Variants in PIEZO1 observed in about 807,000 individuals in gnomAD.
PIEZO1 encodes piezo type mechanosensitive ion channel component 1 (Er blood group).
In PIEZO1, 296 loss-of-function variants were observed where a neutral mutation model predicts 297.2. That is an observed-to-expected ratio of 1.00 (90% CI 0.91 to 1.10). PIEZO1 has a LOEUF of 1.10. Ranked by LOEUF, PIEZO1 falls within the 50% of genes least tolerant of loss-of-function variation. PIEZO1 has a pLI of 0.00. For synonymous variants in PIEZO1, 2,427 were observed against 1,507.5 expected (o/e 1.61, Z -14.13); for missense variants, 5,018 against 3,455.5 (o/e 1.45, Z -11.34).
chr16:88,778,631 G>A (rs989191050), intron 1 of PIEZO1, among the ~76,000 whole-genome samples: 2 of 152,200 alleles, frequency 1.3e-5, no homozygotes, highest in African/African-American at 2.4e-5. Context: ...GCCGGCACCC[G>A]GGACGGTCAG....
chr16:88,737,541 G>T lies in PIEZO1; in HGVS notation c.1195+18C>A. On this transcript the variant is annotated intron_variant, in intron 10 of 50. Coordinates refer to ENST00000301015, the MANE Select transcript of PIEZO1 (RefSeq NM_001142864.4). ...CGCCCCCCGCACCCAGCCATACCTT[G>T]CAGTGTGCGGTACTCACCAGGCCGC... The T allele has an allele frequency of 2.0e-6, 3 of 1,503,756 alleles. No homozygotes were observed. Among genetic ancestry groups the T allele is most frequent in the Non-Finnish European group, 2.7e-6 (3 of 1,119,742 alleles). The allele number at this position is 1,503,756 out of a possible 1,614,324, so 93.2% of individuals were successfully genotyped here. A position where few individuals can be genotyped will look rare whatever the true frequency, so the allele number is the denominator to read the frequency against.
chr16:88,771,890 C>T (rs908707146), intron 1 of PIEZO1, among the ~76,000 whole-genome samples: 1 of 26,454 alleles, frequency 3.8e-5, no homozygotes, highest in Non-Finnish European at 6.6e-5. Flanking sequence ...CGTCCACCCG[C>T]GGCCCCAGGC....
chr16:88,734,798 C>G lies in PIEZO1; in HGVS notation c.1849G>C (p.Val617Leu). 1 of 1,550,318 alleles carries G rather than the reference C, an allele frequency of 6.5e-7. No homozygotes were observed. Reference sequence around the variant, plus strand: ...AGCTTCCGCCACAGGCTGTAGTAGACCTGCCGGGTGAGGTGGGGGTGGTGA... The same window carrying G: ...AGCTTCCGCCACAGGCTGTAGTAGAGCTGCCGGGTGAGGTGGGGGTGGTGA... Reference protein sequence around the residue: ...LFLLCLTLFQVYYSLWRKLLK... With the variant: ...LFLLCLTLFQLYYSLWRKLLK... The change falls in exon 15 of 51, where the codon GTC becomes CTC. Residue 617 changes from valine (V) to leucine (L), a missense_variant and splice_region_variant. Physicochemically the swap from Val to Leu is conservative, Grantham distance 32 (BLOSUM62 1). Transcript: ENST00000301015.
intron 22 of PIEZO1, among the ~76,000 whole-genome samples, chr16:88,730,458 C>A (rs1026547544): frequency 1.3e-5 from 2 of 152,122 alleles, no homozygotes; most frequent in African/African-American, 2.4e-5. Context: ...ATTAGCCGGG[C>A]CTGGTGGTGC....
intron 44 of PIEZO1, 65 bp from the exon 45 acceptor site, chr16:88,717,276 T>C: frequency 7.1e-7 from 1 of 1,415,436 alleles, no homozygotes; most frequent in Non-Finnish European, 9.7e-7. Context: ...ACAACCGCAT[T>C]CTCCAGCTCA....
intron 2 of PIEZO1, chr16:88,743,727 CCT>C: frequency 2.3e-6 from 1 of 439,252 alleles, no homozygotes; most frequent in Middle Eastern, 3.4e-4. Flanking sequence ...GTGAAGCAGC[CCT>C]CACGGATGCC....
In PIEZO1 at chr16:88,742,305, G is replaced by A; in HGVS notation, c.278C>T (p.Pro93Leu). The A allele has an allele frequency of 6.5e-7, 1 of 1,532,640 alleles. No homozygotes were observed. The highest frequency in any genetic ancestry group is 8.7e-7 in the Non-Finnish European group (1 of 1,145,076). The allele number at this position is 1,532,640 out of a possible 1,614,324, so 94.9% of individuals were successfully genotyped here. A position where few individuals can be genotyped will look rare whatever the true frequency, so the allele number is the denominator to read the frequency against. The part of the protein sequence containing the change: ...IVPRLDQLLG[P>L]SCSRWETLSR... The stretch of plus-strand genomic sequence containing the variant: ...CCGCCCCCTCAGCGACTCACAGCTG[G>A]GTCCCAGGAGCTGGTCCAGGCGGGG... Residue 93 changes from proline to leucine, a missense_variant, in exon 3 of 51, where the codon CCC becomes CTC. By Grantham distance (98) the Pro-to-Leu change is moderately conservative. Transcript: ENST00000301015.
rs144455926 is a variant in PIEZO1, at chr16:88,759,602, G to A, written c.65-10123C>T. Among the ~76,000 whole-genome samples, 201 of 152,356 alleles carry A rather than the reference G, an allele frequency of 1.3e-3. 1 individual carries two copies. Among genetic ancestry groups the A allele is most frequent in the African/African-American group, 4.2e-3 (173 of 41,586 alleles). On this transcript the variant is annotated intron_variant, in intron 1 of 50. Coordinates refer to ENST00000301015, the MANE Select transcript of PIEZO1 (RefSeq NM_001142864.4). ...GGCAGCTCCTGGCGGCCGCTGCTCT[G>A]CCCTGCTCTGCAAGGGAGCCTGCTG... is the stretch of plus-strand genomic sequence containing the variant.
At chr16:88,743,197 G>T (rs1057407138) in intron 2 of PIEZO1, 6 of 456,170 alleles carry the variant, frequency 1.3e-5, no homozygotes, top group African/African-American at 2.0e-5. Context: ...CAGGGGCTGG[G>T]CGGGCGCACC....
chr16:88,777,922 C>T lies in PIEZO1; in HGVS notation c.64+6979G>A, dbSNP rs149635183. Among the ~76,000 whole-genome samples the T allele has an allele frequency of 3.3e-5, 5 of 152,280 alleles. No homozygotes were observed. The East Asian group carries it at 5.8e-4, about 18-fold the overall frequency. ...AACCCACATCTGTCCCCTCCTTTGACGCCCCTCCTGGGCAGGCGGCCTCCG... is the reference window on the plus strand; with the variant it reads ...AACCCACATCTGTCCCCTCCTTTGATGCCCCTCCTGGGCAGGCGGCCTCCG... On this transcript the variant is annotated intron_variant, in intron 1 of 50. Transcript: ENST00000301015.
chr16:88,733,726 C>T lies in PIEZO1; in HGVS notation c.2349G>A (p.Leu783=), dbSNP rs1381881625. The change falls in exon 18 of 51, where the codon CTG becomes CTA. Residue 783 remains leucine, a synonymous_variant. Coordinates refer to ENST00000301015, the MANE Select transcript of PIEZO1 (RefSeq NM_001142864.4). ...QVPEGAAKWG[L]VAERLLELAA... ...CCAGCTCCAGCAGCCGCTCAGCCAC[C>T]AGGCCCCACTTGGCTGCCCCTGTGA... 1.3e-6 allele frequency: 2 copies of T among 1,546,518 alleles called. No homozygotes were observed. The highest frequency in any genetic ancestry group is 1.7e-6 in the Non-Finnish European group (2 of 1,144,788).
chr16:88,741,593 T>A lies in PIEZO1; in HGVS notation c.350A>T (p.Asn117Ile), dbSNP rs1174487457. ...GTCAGGGGCCACCAGCCGGATGGCGTTGGGGATGTCCTTCAGGTCCAGCCT... is the reference window on the plus strand; with the variant it reads ...GTCAGGGGCCACCAGCCGGATGGCGATGGGGATGTCCTTCAGGTCCAGCCT... ...VTRLDLKDIP[N>I]AIRLVAPDLG... The change falls in exon 5 of 51, where the codon AAC becomes ATC. Residue 117 changes from asparagine (N) to isoleucine (I), a missense_variant. Coordinates refer to ENST00000301015, the MANE Select transcript of PIEZO1 (RefSeq NM_001142864.4). 1.3e-6 allele frequency: 2 copies of A among 1,532,056 alleles called. No individual in the cohort carries two copies. Among genetic ancestry groups the A allele is most frequent in the African/African-American group, 1.4e-5 (1 of 71,910 alleles). The allele number at this position is 1,532,056 out of a possible 1,614,324, so 94.9% of individuals were successfully genotyped here.
At chr16:88,764,814 G>C (rs1398714671) in intron 1 of PIEZO1, among the ~76,000 whole-genome samples, 1 of 151,580 alleles carries the variant, frequency 6.6e-6, no homozygotes, top group South Asian at 2.1e-4. Context: ...TTGACTCCCA[G>C]CATCATGCCG....
chr16:88,753,022 C>A (rs929331556), intron 1 of PIEZO1, among the ~76,000 whole-genome samples: 10 of 151,794 alleles, frequency 6.6e-5, no homozygotes. Flanking sequence ...CACTCACCAA[C>A]AACACAGACA....
chr16:88,722,344 G>A lies in PIEZO1; in HGVS notation c.4829C>T (p.Pro1610Leu). The change falls in exon 36 of 51, where the codon CCC (proline) becomes CTC (leucine). Residue 1610 changes from proline (P) to leucine (L), a missense_variant. Physicochemically the swap from Pro to Leu is moderately conservative, Grantham distance 98. Transcript: ENST00000301015. ...LSSMTDDMGSPLSTGYHTRSG... is the reference protein window; with the variant it reads ...LSSMTDDMGSLLSTGYHTRSG... Reference sequence around the variant, plus strand: ...GCGCGTGTGGTAGCCGGTGCTCAGGGGGCTGCCCATGTCGTCTGTCATGCT... The same window carrying A: ...GCGCGTGTGGTAGCCGGTGCTCAGGAGGCTGCCCATGTCGTCTGTCATGCT... 6.5e-7 allele frequency: 1 copy of A among 1,538,430 alleles called. No homozygotes were observed. The highest frequency in any genetic ancestry group is 8.8e-7 in the Non-Finnish European group (1 of 1,141,488).
chr16:88,737,587 G>T lies in PIEZO1; in HGVS notation c.1167C>A (p.Thr389=). ...GCCGCCGCAGGACGGAGCTCTGGCC[G>T]GTCAGCTCGTGCACGATGCAGTTAT... ...EADNCIVHEL[T]GQSSVLRRPV... Residue 389 remains threonine, a synonymous_variant, in exon 10 of 51, where the codon ACC becomes ACA. Transcript: ENST00000301015. The T allele has an allele frequency of 6.5e-7, 1 of 1,534,340 alleles. No homozygotes were observed. The highest frequency in any genetic ancestry group is 1.2e-5 in the South Asian group (1 of 84,008).
rs1248979393 is a variant in PIEZO1, at chr16:88,737,999, G to C, written c.955C>G (p.Leu319Val). The C allele has an allele frequency of 2.5e-5, 39 of 1,535,428 alleles. 1 individual carries two copies. The East Asian group carries it at 7.1e-4, about 28-fold the overall frequency. ...GCCGTGGCGTAGCACAGCAGCAGGA[G>C]GACGCCGGGGCTGGCATACACAGGC... ...DWPVYASPGV[L>V]LLLCYATASL... is the part of the protein sequence containing the mutation. Residue 319 changes from leucine to valine, a missense_variant, in exon 8 of 51, where the codon CTC becomes GTC. Coordinates refer to ENST00000301015, the MANE Select transcript of PIEZO1 (RefSeq NM_001142864.4).
At chr16:88,774,394 A>G (rs1907564389) in intron 1 of PIEZO1, among the ~76,000 whole-genome samples, 1 of 152,260 alleles carries the variant, frequency 6.6e-6, no homozygotes, top group Non-Finnish European at 1.5e-5. Context: ...CTGTCTCGAT[A>G]AGTAAATAAA....
At chr16:88,756,871 T>C (rs975843774) in intron 1 of PIEZO1, among the ~76,000 whole-genome samples, 1 of 151,970 alleles carries the variant, frequency 6.6e-6, no homozygotes, top group Non-Finnish European at 1.5e-5. Flanking sequence ...GGTCAGGAGA[T>C]CGAGACCATC....
Sources: gnomAD v4.1 joint callset for allele counts (sites outside exome capture counted in the v4.1 genomes callset) on GRCh38, gnomAD v4.1.1 for gene constraint, MANE v1.5 for transcripts, NCBI Gene and HGNC (gene_info 2026-07-23, HGNC 2026-07-21) for gene names.